TLL1: variants seen among roughly 807,000 people sequenced by gnomAD.
TLL1 encodes tolloid-like protein 1.
A neutral mutation model predicts 128.2 loss-of-function variants in TLL1; 49 were observed. The observed-to-expected ratio is 0.38, with a 90% CI of 0.30 to 0.48. The LOEUF (loss-of-function observed/expected upper bound fraction) is 0.48. Ranked by LOEUF, TLL1 falls within the 20% of genes least tolerant of loss-of-function variation. TLL1 has a pLI of 0.96. For missense variants in TLL1, 1,123 were observed against 1,242.0 expected, an observed-to-expected ratio of 0.90 and a Z score of 1.44; for synonymous variants, 454 against 418.8, an observed-to-expected ratio of 1.08 and a Z score of -1.03.
chr4:166,052,391 G>A (rs1011867021), intron 12 of TLL1, among the ~76,000 whole-genome samples: 1 of 152,092 alleles, frequency 6.6e-6, no homozygotes, highest in African/African-American at 2.4e-5. Flanking sequence ...CACCTCCTGG[G>A]TTCAAGCAAT....
intron 12 of TLL1, among the ~76,000 whole-genome samples, chr4:166,045,905 A>G (rs904373969): frequency 1.3e-5 from 2 of 152,122 alleles, no homozygotes; most frequent in African/African-American, 4.8e-5. Context: ...ACTACTTAAA[A>G]TACTTTCTTA....
rs561251258 is a variant in TLL1, at chr4:166,028,271, T to C, written c.1158+2840T>C. On this transcript the variant is annotated intron_variant, in intron 9 of 20. Transcript: ENST00000061240. ...TATGTTTCAATTCTACTTTTTTCTATTGTTATTATTTCTTCTTAACCCACA... is the reference window on the plus strand; with the variant it reads ...TATGTTTCAATTCTACTTTTTTCTACTGTTATTATTTCTTCTTAACCCACA... Among the ~76,000 whole-genome samples, 22 of 152,236 alleles carry C rather than the reference T, an allele frequency of 1.4e-4. No homozygotes were observed. The East Asian group carries it at 3.9e-3, about 27-fold the overall frequency.
intron 5 of TLL1, among the ~76,000 whole-genome samples, chr4:165,999,994 C>T (rs1339165878): frequency 2.0e-5 from 3 of 152,140 alleles, no homozygotes; most frequent in Non-Finnish European, 4.4e-5. Context: ...TTTTGTTCTA[C>T]CAAACCAAGG....
At chr4:166,029,336 CAT>C (rs1738646597) in intron 9 of TLL1, among the ~76,000 whole-genome samples, 1 of 151,934 alleles carries the variant, frequency 6.6e-6, no homozygotes, top group Admixed American at 6.6e-5. Flanking sequence ...GATCTTAAAA[CAT>C]ATAAGATTAT....
intron 1 of TLL1, among the ~76,000 whole-genome samples, chr4:165,934,194 T>C (rs1439428655): frequency 1.4e-5 from 2 of 147,688 alleles, no homozygotes; most frequent in Admixed American, 6.7e-5. Context: ...TTTTTTTTTT[T>C]AGTAGGGACG....
At chr4:166,029,395 T>C (rs997898078) in intron 9 of TLL1, among the ~76,000 whole-genome samples, 11 of 152,102 alleles carry the variant, frequency 7.2e-5, no homozygotes, top group Admixed American at 2.0e-4. Flanking sequence ...ATACCTTTTT[T>C]TAATCAAGCA....
chr4:166,055,783 T>C (rs1739977697), intron 13 of TLL1, among the ~76,000 whole-genome samples: 1 of 152,158 alleles, frequency 6.6e-6, no homozygotes, highest in Admixed American at 6.6e-5. Flanking sequence ...ACATTTCAGT[T>C]TATTCTTATG....
chr4:166,048,769 C>T (rs75813249), intron 12 of TLL1, among the ~76,000 whole-genome samples: 6,789 of 152,228 alleles, frequency 0.045, 198 homozygotes, highest in African/African-American at 0.066. Context: ...GAAATTACCA[C>T]GTACATTAGT....
At chr4:166,041,410 C>G (rs1560829564) in intron 10 of TLL1, among the ~76,000 whole-genome samples, 1 of 151,672 alleles carries the variant, frequency 6.6e-6, no homozygotes, top group African/African-American at 2.4e-5. Flanking sequence ...AAGCGATTCT[C>G]CTGCCTCAGC....
intron 1 of TLL1, among the ~76,000 whole-genome samples, chr4:165,914,803 G>A (rs1334244322): frequency 3.3e-5 from 5 of 152,174 alleles, no homozygotes; most frequent in Non-Finnish European, 7.3e-5. Context: ...CCCAGAGAGA[G>A]ATGTTATACT....
intron 7 of TLL1, among the ~76,000 whole-genome samples, chr4:166,010,776 TG>T (rs1213884471): frequency 3.3e-5 from 5 of 151,262 alleles, no homozygotes; most frequent in Non-Finnish European, 5.9e-5. Flanking sequence ...TTGTATAGTT[TG>T]GGTCTTATGT....
At chr4:166,077,816 A>G (rs1249631249) in intron 17 of TLL1, 87 bp from the exon 18 acceptor site, 4 of 1,585,914 alleles carry the variant, frequency 2.5e-6, no homozygotes, top group African/African-American at 1.3e-5. Context: ...ATCTTTCAAC[A>G]GGGCAGTGGG....
In TLL1 at chr4:165,995,052, T is replaced by G; in HGVS notation, c.515-9T>G. ...CCACCTTTTCATTAACATCACACATTTTTTCTAGGCAGCCAGAGAGCCATG... is the reference window on the plus strand; with the variant it reads ...CCACCTTTTCATTAACATCACACATGTTTTCTAGGCAGCCAGAGAGCCATG... On this transcript the variant is annotated splice_polypyrimidine_tract_variant and intron_variant, in intron 4 of 20. Transcript: ENST00000061240. The G allele has an allele frequency of 6.2e-7, 1 of 1,612,616 alleles. No homozygotes were observed. Among genetic ancestry groups the G allele is most frequent in the Non-Finnish European group, 8.5e-7 (1 of 1,178,830 alleles).
At chr4:166,014,350 G>T (rs551803748) in intron 7 of TLL1, 86 bp from the exon 8 acceptor site, 2 of 1,596,534 alleles carry the variant, frequency 1.3e-6, no homozygotes, top group East Asian at 2.2e-5. Flanking sequence ...ATTGACTTGA[G>T]TTTGAAATAA....
At chr4:165,896,790 G>A (rs1731702937) in intron 1 of TLL1, among the ~76,000 whole-genome samples, 1 of 151,984 alleles carries the variant, frequency 6.6e-6, no homozygotes, top group Admixed American at 6.6e-5. Context: ...GCTGTCAAAT[G>A]GTATTTCTGG....
At chr4:165,956,749 TTAAAG>T (rs369124976) in intron 1 of TLL1, among the ~76,000 whole-genome samples, 133 of 152,174 alleles carry the variant, frequency 8.7e-4, no homozygotes, top group Non-Finnish European at 1.5e-3. Flanking sequence ...GGTTAAGAGA[TTAAAG>T]TAAAGATAGG....
At chr4:165,876,877 G>A (rs1370352029) in intron 1 of TLL1, among the ~76,000 whole-genome samples, 1 of 152,212 alleles carries the variant, frequency 6.6e-6, no homozygotes, top group Admixed American at 6.5e-5. Flanking sequence ...TCTGATATAG[G>A]TGAAGCGAAG....
At chr4:165,986,563 C>T (rs918571122) in intron 1 of TLL1, among the ~76,000 whole-genome samples, 1 of 151,960 alleles carries the variant, frequency 6.6e-6, no homozygotes, top group Middle Eastern at 3.2e-3. Flanking sequence ...TCTCCTAAAG[C>T]AATTTATGGT....
intron 18 of TLL1, among the ~76,000 whole-genome samples, chr4:166,089,794 A>G (rs1741680152): frequency 6.6e-6 from 1 of 152,144 alleles, no homozygotes; most frequent in South Asian, 2.1e-4. Flanking sequence ...CTTTTTAAGT[A>G]GAGTGCAGTG....
Sources: allele counts gnomAD v4.1 joint callset (sites outside exome capture counted in the v4.1 genomes callset), GRCh38; gene constraint gnomAD v4.1.1; transcripts MANE v1.5; gene names NCBI Gene and HGNC (gene_info 2026-07-23, HGNC 2026-07-21).